CDH6: variants seen among roughly 807,000 people sequenced by gnomAD.
CDH6 encodes cadherin-6.
CDH6 carries 31 observed loss-of-function variants against 78.0 expected under a neutral mutation model. The observed-to-expected ratio is 0.40, with a 90% CI of 0.30 to 0.54. The LOEUF is 0.54. CDH6 is among the 20% of genes least tolerant of loss of function. CDH6 has a pLI of 0.56. For synonymous variants in CDH6, 376 were observed against 368.8 expected (o/e 1.02, Z -0.23); for missense variants, 724 against 975.9 (o/e 0.74, Z 3.44).
chr5:31,245,899 CTTTTTT>C (rs71612205), intron 1 of CDH6, among the ~76,000 whole-genome samples: 6 of 87,674 alleles, frequency 6.8e-5, no homozygotes, highest in African/African-American at 1.5e-4. Context: ...CTCTCTCTCT[CTTTTTT>C]TTTTTTTTTT....
At chr5:31,291,476 T>A (rs576846831) in intron 2 of CDH6, among the ~76,000 whole-genome samples, 2 of 152,348 alleles carry the variant, frequency 1.3e-5, no homozygotes, top group South Asian at 4.1e-4. Context: ...CACAACAGCC[T>A]GGCCATGTAG....
In CDH6 at chr5:31,328,116, C is replaced by T. The variant is rs1029701738; in HGVS notation, c.*4808C>T. On this transcript the variant is annotated 3_prime_UTR_variant, in exon 12 of 12. Coordinates refer to ENST00000265071, the MANE Select transcript of CDH6 (RefSeq NM_004932.4). ...TTCAGACAGGACTGAGGCACTTAGC[C>T]GAGGAGCCACTGGGTTATTAGATTA... 1 of 209,176 alleles carries T rather than the reference C, an allele frequency of 4.8e-6. No individual in the cohort carries two copies. Among genetic ancestry groups the T allele is most frequent in the Non-Finnish European group, 9.7e-6 (1 of 103,612 alleles). 13.0% of individuals were successfully genotyped at this position (209,176 alleles called of 1,614,324 possible).
At chr5:31,298,131 C>T (rs1737662550) in intron 4 of CDH6, among the ~76,000 whole-genome samples, 1 of 152,194 alleles carries the variant, frequency 6.6e-6, no homozygotes, top group South Asian at 2.1e-4. Flanking sequence ...TCTCATTTTT[C>T]TGTTTTCTGT....
At chr5:31,211,790 C>T (rs1473112781) in intron 1 of CDH6, among the ~76,000 whole-genome samples, 3 of 152,140 alleles carry the variant, frequency 2.0e-5, no homozygotes, top group Non-Finnish European at 4.4e-5. Context: ...GAGAACTGAC[C>T]TTGCCACGGT....
At chr5:31,311,669 G>T (rs559562298) in intron 7 of CDH6, among the ~76,000 whole-genome samples, 1 of 152,182 alleles carries the variant, frequency 6.6e-6, no homozygotes, top group Non-Finnish European at 1.5e-5. Context: ...CAGGAAGCGT[G>T]GCTAGGAGGC....
At chr5:31,222,631 T>TAA (rs1165452158) in intron 1 of CDH6, among the ~76,000 whole-genome samples, 1 of 152,160 alleles carries the variant, frequency 6.6e-6, no homozygotes, top group African/African-American at 2.4e-5. Context: ...TTAATATCTA[T>TAA]AAAACATAAG....
intron 1 of CDH6, among the ~76,000 whole-genome samples, chr5:31,243,150 G>A (rs1485143571): frequency 6.6e-6 from 1 of 152,074 alleles, no homozygotes; most frequent in Non-Finnish European, 1.5e-5. Flanking sequence ...TCAAAATCTT[G>A]CAGTTCTTCT....
chr5:31,241,194 C>T (rs1267650083), intron 1 of CDH6, among the ~76,000 whole-genome samples: 1 of 152,186 alleles, frequency 6.6e-6, no homozygotes, highest in Non-Finnish European at 1.5e-5. Flanking sequence ...TGCTGGCCAT[C>T]AATACTCTCT....
Position 31,299,490 on chromosome 5 carries a change from A to T in CDH6, c.670A>T (p.Met224Leu), listed in dbSNP as rs756759386. Residue 224 changes from methionine to leucine, a missense_variant, in exon 5 of 12, where the codon ATG (methionine) becomes TTG (leucine). Physicochemically the swap from Met to Leu is conservative, Grantham distance 15. Around this residue, in one of 3 missense-constraint regions of CDH6, gnomAD observed 446 missense variants for 684.5 expected, o/e 0.65. Transcript: ENST00000265071. ...TATTATCAAGACAGCTTTGCTCAAC[A>T]TGGATCGAGAAAACAGGGAGCAGTA... The part of the protein sequence containing the change: ...TGIIKTALLN[M>L]DRENREQYQV... 1.2e-6 allele frequency: 2 copies of T among 1,613,828 alleles called. No individual in the cohort carries two copies. The highest frequency in any genetic ancestry group is 8.5e-7 in the Non-Finnish European group (1 of 1,179,824).
chr5:31,320,568 T>C (rs1204847542), intron 11 of CDH6, among the ~76,000 whole-genome samples: 2 of 152,146 alleles, frequency 1.3e-5, no homozygotes, highest in South Asian at 2.1e-4. Flanking sequence ...ATCCGTGTCA[T>C]TGTTCACACT....
chr5:31,233,032 A>G (rs1414361663), intron 1 of CDH6, among the ~76,000 whole-genome samples: 1 of 152,188 alleles, frequency 6.6e-6, no homozygotes, highest in Non-Finnish European at 1.5e-5. Flanking sequence ...AAAGTTCACT[A>G]TATCATGCTG....
chr5:31,302,899 GA>G lies in CDH6; in HGVS notation c.999+608del, dbSNP rs1202118631. Among the ~76,000 whole-genome samples, 260 of 104,592 alleles carry G rather than the reference GA, an allele frequency of 2.5e-3. 2 individuals are homozygous for G. Among genetic ancestry groups the G allele is most frequent in the Non-Finnish European group, 3.4e-3 (167 of 49,330 alleles). 68.6% of individuals were successfully genotyped at this position (104,592 alleles called of 152,430 possible). A position where few individuals can be genotyped will look rare whatever the true frequency, so the allele number is the denominator to read the frequency against. On this transcript the variant is annotated intron_variant, in intron 6 of 11. Coordinates refer to ENST00000265071, the MANE Select transcript of CDH6 (RefSeq NM_004932.4). ...GGAAGGAAGGAAGGAAAGAAAGAAA[GA>G]AAAAAAGAAAGAAAGAAAGAAAGAA...
At chr5:31,295,648 GGCAGTGGGACAACA>G (rs1172269119) in intron 3 of CDH6, among the ~76,000 whole-genome samples, 5 of 152,080 alleles carry the variant, frequency 3.3e-5, no homozygotes, top group Admixed American at 3.3e-4. Flanking sequence ...ATTACATAAA[GGCAGTGGGACAACA>G]GCATGGGAGC....
chr5:31,233,439 T>G (rs963919529), intron 1 of CDH6, among the ~76,000 whole-genome samples: 1 of 151,376 alleles, frequency 6.6e-6, no homozygotes, highest in African/African-American at 2.4e-5. Context: ...CGCTTGAGCC[T>G]GGGAGGTGGA....
At chr5:31,206,532 G>T (rs1373181941) in intron 1 of CDH6, among the ~76,000 whole-genome samples, 1 of 152,082 alleles carries the variant, frequency 6.6e-6, no homozygotes, top group African/African-American at 2.4e-5. Flanking sequence ...GGGAAACCTC[G>T]CAAGGGTGTT....
intron 1 of CDH6, among the ~76,000 whole-genome samples, chr5:31,257,215 T>G (rs1465828140): frequency 6.6e-6 from 1 of 152,042 alleles, no homozygotes; most frequent in African/African-American, 2.4e-5. Context: ...CCAGGTGGAG[T>G]GCAGTGGCGC....
chr5:31,261,221 C>T (rs79290950), intron 1 of CDH6, among the ~76,000 whole-genome samples: 4,408 of 152,234 alleles, frequency 0.029, 95 homozygotes, highest in Middle Eastern at 0.068. Context: ...TCTTCATCCT[C>T]ATTGCCCACA....
At chr5:31,312,414 T>C (rs1191135056) in intron 7 of CDH6, among the ~76,000 whole-genome samples, 1 of 152,212 alleles carries the variant, frequency 6.6e-6, no homozygotes, top group Non-Finnish European at 1.5e-5. Flanking sequence ...TAAAACCTTT[T>C]GTAGCCAGTC....
At chr5:31,273,594 C>T (rs538936185) in intron 2 of CDH6, among the ~76,000 whole-genome samples, 56 of 152,218 alleles carry the variant, frequency 3.7e-4, no homozygotes, top group Non-Finnish European at 6.0e-4. Context: ...TATACACCCT[C>T]GCCTGTATGT....
Sources: allele counts gnomAD v4.1 joint callset (sites outside exome capture counted in the v4.1 genomes callset), GRCh38; gene constraint gnomAD v4.1.1; regional missense constraint gnomAD v4.1.1; transcripts MANE v1.5; gene names NCBI Gene and HGNC (gene_info 2026-07-23, HGNC 2026-07-21).